NTNG1: variants seen among roughly 807,000 people sequenced by gnomAD.
NTNG1 encodes the protein netrin-G1.
Under a neutral mutation model 54.0 loss-of-function variants are expected in NTNG1, and 16 were observed. The ratio of observed to expected loss-of-function variants is 0.30; its 90% CI spans 0.20 to 0.45. The LOEUF is 0.45. NTNG1 is among the 20% of genes least tolerant of loss of function. The pLI is 1.00. For missense variants in NTNG1, 530 were observed against 678.7 expected, an observed-to-expected ratio of 0.78 and a Z score of 2.43; for synonymous variants, 255 against 263.1, an observed-to-expected ratio of 0.97 and a Z score of 0.30.
At chr1:107,394,973 C>T (rs761013326) in intron 3 of NTNG1, among the ~76,000 whole-genome samples, 181 bp from the exon 4 acceptor site, 3 of 152,070 alleles carry the variant, frequency 2.0e-5, no homozygotes, top group Non-Finnish European at 4.4e-5. Context: ...ACAACCCTGC[C>T]CCCTGCAAAC....
chr1:107,448,207 T>TAAGGAACCTTAACAATGTTC (rs1253473340), intron 7 of NTNG1, among the ~76,000 whole-genome samples: 1 of 152,118 alleles, frequency 6.6e-6, no homozygotes, highest in Non-Finnish European at 1.5e-5. Context: ...ATGTTCTGGT[T>TAAGGAACCTTAACAATGTTC]TAGCCACTCA....
chr1:107,417,443 TAGC>T (rs1674292234), intron 5 of NTNG1, among the ~76,000 whole-genome samples: 1 of 152,112 alleles, frequency 6.6e-6, no homozygotes, highest in Non-Finnish European at 1.5e-5. Context: ...CTGTTTACAG[TAGC>T]ATAGCCACTT....
At position 107,430,058 on chromosome 1, in the gene NTNG1, G is replaced by A. The variant is rs533740783; in HGVS notation, c.1088-692G>A. Among the ~76,000 whole-genome samples the A allele has an allele frequency of 3.3e-5, 5 of 152,270 alleles. No homozygotes were observed. In the South Asian group the frequency reaches 1.0e-3, roughly 32 times the overall value. Reference sequence around the variant, plus strand: ...ACTATTCTTGAAACTTAAGAGAAAAGGAGGGAATCTTAAAAGCACCTTTTC... The same window carrying A: ...ACTATTCTTGAAACTTAAGAGAAAAAGAGGGAATCTTAAAAGCACCTTTTC... On this transcript the variant is annotated intron_variant, in intron 5 of 7. Coordinates refer to ENST00000370068, the MANE Select transcript of NTNG1 (RefSeq NM_001113226.3).
chr1:107,290,386 A>G (rs1665504123), intron 2 of NTNG1, among the ~76,000 whole-genome samples: 1 of 152,200 alleles, frequency 6.6e-6, no homozygotes, highest in Non-Finnish European at 1.5e-5. Flanking sequence ...GTATGGAGAT[A>G]GAAAGGTTCC....
At chr1:107,244,088 T>C (rs1216684309) in intron 2 of NTNG1, among the ~76,000 whole-genome samples, 4 of 152,192 alleles carry the variant, frequency 2.6e-5, no homozygotes, top group African/African-American at 2.4e-5. Context: ...GTATAATAAA[T>C]ACATTTGAAA....
At chr1:107,445,532 A>C (rs928907070) in intron 7 of NTNG1, among the ~76,000 whole-genome samples, 2 of 152,182 alleles carry the variant, frequency 1.3e-5, no homozygotes, top group Admixed American at 6.6e-5. Flanking sequence ...TATAGATGAC[A>C]AAACTGAGAT....
chr1:107,308,993 G>A lies in NTNG1; in HGVS notation c.247-15289G>A, dbSNP rs184167673. On this transcript the variant is annotated intron_variant, in intron 2 of 7. Transcript: ENST00000370068. ...CGTCTTCCAGACATTACACGTTGAT[G>A]TATTATTGGTTCTTTCTTTTCCTTT... 8.6e-4 allele frequency among the ~76,000 whole-genome samples: 119 copies of A among 138,006 alleles called. No individual in the cohort carries two copies. In the South Asian group the frequency reaches 0.017, roughly 20 times the overall value. The allele number at this position is 138,006 out of a possible 152,430, so 90.5% of individuals were successfully genotyped here.
intron 2 of NTNG1, among the ~76,000 whole-genome samples, chr1:107,289,721 G>A (rs1256472130): frequency 2.0e-5 from 3 of 152,048 alleles, no homozygotes; most frequent in African/African-American, 7.2e-5. Context: ...ATTCTTATGT[G>A]GTGTATACTG....
At chr1:107,225,517 G>A (rs1487563612) in intron 2 of NTNG1, among the ~76,000 whole-genome samples, 1 of 152,098 alleles carries the variant, frequency 6.6e-6, no homozygotes, top group Non-Finnish European at 1.5e-5. Flanking sequence ...GTGTTTGAGT[G>A]CCTGATGAAT....
At chr1:107,339,440 T>C (rs942563710) in intron 3 of NTNG1, among the ~76,000 whole-genome samples, 2 of 152,120 alleles carry the variant, frequency 1.3e-5, no homozygotes, top group Non-Finnish European at 2.9e-5. Flanking sequence ...AACATACACT[T>C]AAATGAAAAA....
chr1:107,280,977 T>C (rs1165481021), intron 2 of NTNG1, among the ~76,000 whole-genome samples: 2 of 151,734 alleles, frequency 1.3e-5, no homozygotes, highest in Non-Finnish European at 2.9e-5. Flanking sequence ...TTGTTCCATA[T>C]AATATGTTCT....
intron 2 of NTNG1, among the ~76,000 whole-genome samples, chr1:107,255,831 A>G (rs74108674): frequency 0.014 from 2,107 of 152,264 alleles, 50 homozygotes; most frequent in African/African-American, 0.048. Flanking sequence ...CATCCCTGAT[A>G]CCTTCCTTTC....
chr1:107,274,721 C>T (rs751046069), intron 2 of NTNG1, among the ~76,000 whole-genome samples: 5 of 152,196 alleles, frequency 3.3e-5, no homozygotes, highest in Non-Finnish European at 5.9e-5. Context: ...AAGTTAGCTC[C>T]CACTACAGAC....
chr1:107,401,350 A>C (rs1183637100), intron 4 of NTNG1, among the ~76,000 whole-genome samples: 2 of 152,048 alleles, frequency 1.3e-5, no homozygotes, highest in African/African-American at 2.4e-5. Context: ...AGTGTTGAAA[A>C]CCGGAATACC....
chr1:107,178,854 A>G (rs1404621662), intron 2 of NTNG1, among the ~76,000 whole-genome samples: 1 of 152,184 alleles, frequency 6.6e-6, no homozygotes, highest in African/African-American at 2.4e-5. Context: ...TTAGCTTCAG[A>G]TTAACTTTAG....
chr1:107,209,641 C>T (rs1659468215), intron 2 of NTNG1, among the ~76,000 whole-genome samples: 1 of 152,202 alleles, frequency 6.6e-6, no homozygotes, highest in Non-Finnish European at 1.5e-5. Context: ...AGACATATGA[C>T]CTTAGTTGGG....
intron 2 of NTNG1, among the ~76,000 whole-genome samples, chr1:107,221,568 C>T (rs187099606): frequency 2.0e-4 from 31 of 152,192 alleles, no homozygotes; most frequent in Middle Eastern, 3.4e-3. Flanking sequence ...GTAGAGGGAA[C>T]ATTCAAAGCA....
intron 3 of NTNG1, among the ~76,000 whole-genome samples, chr1:107,358,032 A>C (rs2100932740): frequency 6.6e-6 from 1 of 152,306 alleles, no homozygotes; most frequent in Middle Eastern, 3.4e-3. Context: ...ATTCCATTCG[A>C]ATACATGGTT....
chr1:107,332,157 T>C (rs895384853), intron 3 of NTNG1, among the ~76,000 whole-genome samples: 1 of 152,120 alleles, frequency 6.6e-6, no homozygotes, highest in Non-Finnish European at 1.5e-5. Flanking sequence ...AATATATGCA[T>C]AAGCAGCTCA....
Sources: allele counts gnomAD v4.1 joint callset (sites outside exome capture counted in the v4.1 genomes callset), GRCh38; gene constraint gnomAD v4.1.1; transcripts MANE v1.5; gene names NCBI Gene and HGNC (gene_info 2026-07-23, HGNC 2026-07-21).